The following PITPNA variants were observed in gnomAD, a reference collection of about 807,000 sequenced individuals.
PITPNA encodes the protein phosphatidylinositol transfer protein alpha isoform.
PITPNA carries 13 observed loss-of-function variants against 50.3 expected under a neutral mutation model. The observed-to-expected ratio is 0.26, with a 90% CI of 0.17 to 0.41. The LOEUF is 0.41. PITPNA is among the 10% of genes least tolerant of loss of function. PITPNA has a pLI of 1.00. For missense variants in PITPNA, 207 were observed against 333.4 expected (o/e 0.62, Z 2.95); for synonymous variants, 120 against 119.6 (o/e 1.00, Z -0.02).
In PITPNA at chr17:1,562,583, G is replaced by A. The variant is rs1380571930; in HGVS notation, c.-23C>T. 7 of 1,285,732 alleles carry A rather than the reference G, an allele frequency of 5.4e-6. No homozygotes were observed. Among genetic ancestry groups the A allele is most frequent in the African/African-American group, 1.5e-5 (1 of 64,750 alleles). 79.6% of individuals were successfully genotyped at this position (1,285,732 alleles called of 1,614,324 possible). ...CATGTCGCTTCGCGGCTCGGTGGCT[G>A]CCCGCGGCCCGCCCGGCCTCCCGCC... On this transcript the variant is annotated 5_prime_UTR_variant, in exon 1 of 12. Coordinates refer to ENST00000313486, the MANE Select transcript of PITPNA (RefSeq NM_006224.4). The surrounding 1 kb of genome is among the most constrained non-coding windows in gnomAD (Gnocchi z 6.4).
intron 4 of PITPNA, 52 bp from the exon 5 acceptor site, chr17:1,543,079 G>A (rs2075655958): frequency 2.0e-6 from 3 of 1,465,454 alleles, no homozygotes; most frequent in South Asian, 1.2e-5. Context: ...TAATGAAGAT[G>A]AAGAAATATC....
At chr17:1,535,560 A>T (rs1475397123) in intron 7 of PITPNA, 42 bp from the exon 8 acceptor site, 1 of 1,215,810 alleles carries the variant, frequency 8.2e-7, no homozygotes, top group African/African-American at 1.5e-5. Context: ...GGAGTGGGAG[A>T]GGGAGTGAGA....
At chr17:1,548,940 C>T (rs1225335741) in intron 3 of PITPNA, among the ~76,000 whole-genome samples, 2 of 152,086 alleles carry the variant, frequency 1.3e-5, no homozygotes, top group South Asian at 2.1e-4. Context: ...CTCCCTTTGT[C>T]GCCCAGGCTG....
chr17:1,550,568 C>T (rs1025314699), intron 3 of PITPNA, among the ~76,000 whole-genome samples: 2 of 151,826 alleles, frequency 1.3e-5, no homozygotes, highest in African/African-American at 4.8e-5. Context: ...CACTCTGTGG[C>T]CCAGGCTGGA....
intron 10 of PITPNA, among the ~76,000 whole-genome samples, chr17:1,528,108 T>C (rs950182311): frequency 9.9e-5 from 15 of 152,154 alleles, no homozygotes; most frequent in African/African-American, 3.1e-4. Context: ...GGTGGATCAG[T>C]TGAATCCAAG....
In PITPNA at chr17:1,541,558, C is replaced by T; in HGVS notation, c.372+8G>A. 1 of 1,607,032 alleles carries T rather than the reference C, an allele frequency of 6.2e-7. No homozygotes were observed. Among genetic ancestry groups the T allele is most frequent in the South Asian group, 1.1e-5 (1 of 90,950 alleles). On this transcript the variant is annotated splice_region_variant and intron_variant, in intron 6 of 11. Coordinates refer to ENST00000313486, the MANE Select transcript of PITPNA (RefSeq NM_006224.4). ...TCACCCCTGGGGCTTTTGGGAACTA[C>T]TACTCACATTCTCCTGCGTGCCAAG... is the stretch of plus-strand genomic sequence containing the variant.
At chr17:1,551,420 T>C (rs936131993) in intron 3 of PITPNA, among the ~76,000 whole-genome samples, 1 of 151,700 alleles carries the variant, frequency 6.6e-6, no homozygotes, top group African/African-American at 2.4e-5. Flanking sequence ...GCCTCCTGAG[T>C]AGACAGGACT....
intron 10 of PITPNA, among the ~76,000 whole-genome samples, chr17:1,533,619 C>T (rs1028758487): frequency 6.6e-6 from 1 of 152,036 alleles, no homozygotes; most frequent in East Asian, 1.9e-4. Context: ...CACGCCAAGA[C>T]CAAAAAAAGA....
Position 1,562,695 on chromosome 17 carries a change from CTCGCCGCGG to C in PITPNA, c.-144_-136del. 1 of 522,286 alleles carries C rather than the reference CTCGCCGCGG, an allele frequency of 1.9e-6. No individual in the cohort carries two copies. The highest frequency in any genetic ancestry group is 2.5e-6 in the Non-Finnish European group (1 of 393,220). 32.4% of individuals were successfully genotyped at this position (522,286 alleles called of 1,614,324 possible). ...CGTGCTCTGCTCCGTCCCCGCCGCC[CTCGCCGCGG>C]TCGCCGCGCCGGCTCCTGCCGCCCG... On this transcript the variant is annotated 5_prime_UTR_variant, in exon 1 of 12. Transcript: ENST00000313486. This position sits in a 1 kb window ranked among gnomAD's most constrained non-coding sequence, Gnocchi z 6.4.
chr17:1,524,329 C>CCAT (rs1009039583), intron 10 of PITPNA, among the ~76,000 whole-genome samples: 1 of 149,664 alleles, frequency 6.7e-6, no homozygotes, highest in Non-Finnish European at 1.5e-5. Context: ...CAGGCGTGAG[C>CCAT]CATCGCACCT....
intron 10 of PITPNA, among the ~76,000 whole-genome samples, chr17:1,531,881 G>A (rs919717722): frequency 2.0e-5 from 3 of 151,842 alleles, no homozygotes; most frequent in African/African-American, 7.2e-5. Context: ...CACATCAAGC[G>A]TAGTCAGCAC....
chr17:1,555,395 A>T (rs911908687), intron 2 of PITPNA, among the ~76,000 whole-genome samples: 1 of 152,210 alleles, frequency 6.6e-6, no homozygotes, highest in African/African-American at 2.4e-5. Flanking sequence ...GGCGCTTTTC[A>T]CGTTAGAGTT....
chr17:1,548,131 C>T (rs1013986832), intron 4 of PITPNA, among the ~76,000 whole-genome samples, 165 bp downstream of exon 4: 2 of 152,238 alleles, frequency 1.3e-5, no homozygotes, highest in East Asian at 1.9e-4. Flanking sequence ...CGGTGCTTCT[C>T]GCCCTGCTGT....
chr17:1,562,320 CCGCCCCTCCA>C lies in PITPNA; in HGVS notation c.20+211_20+220del, dbSNP rs2075772603. 6.7e-6 allele frequency among the ~76,000 whole-genome samples: 1 copy of C among 148,370 alleles called. No homozygotes were observed. The highest frequency in any genetic ancestry group is 6.7e-5 in the Admixed American group (1 of 14,984). ...CCCCGGCTGCCCCTCCACGCCCCGG[CCGCCCCTCCA>C]CGCCCCGGCCGCCCCTCCGTGCCCC... On this transcript the variant is annotated intron_variant, in intron 1 of 11. Transcript: ENST00000313486. This position sits in a 1 kb window ranked among gnomAD's most constrained non-coding sequence, Gnocchi z 6.4.
intron 1 of PITPNA, chr17:1,559,801 TG>T: frequency 1.0e-6 from 1 of 984,622 alleles, no homozygotes; most frequent in Middle Eastern, 5.2e-4. Context: ...AAAAACAAAA[TG>T]GGCTCCAAGT....
At chr17:1,536,731 T>C (rs892378103) in intron 7 of PITPNA, among the ~76,000 whole-genome samples, 4 of 151,374 alleles carry the variant, frequency 2.6e-5, no homozygotes, top group Non-Finnish European at 5.9e-5. Context: ...GTAGCTGGCA[T>C]TACAGGCGCC....
In PITPNA at chr17:1,517,817, G is replaced by A. The variant is rs1361730681; in HGVS notation, c.*2744C>T. On this transcript the variant is annotated 3_prime_UTR_variant, in exon 12 of 12. Coordinates refer to ENST00000313486, the MANE Select transcript of PITPNA (RefSeq NM_006224.4). The stretch of plus-strand genomic sequence containing the variant: ...ATTACAATTCAGATGTGCAATGTTT[G>A]CATAAGTAAACTGACACGGGACTAT... 6.6e-6 allele frequency: 1 copy of A among 152,286 alleles called. No homozygotes were observed. Among genetic ancestry groups the A allele is most frequent in the East Asian group, 1.9e-4 (1 of 5,196 alleles). 9.4% of individuals were successfully genotyped at this position (152,286 alleles called of 1,614,324 possible). A position where few individuals can be genotyped will look rare whatever the true frequency, so the allele number is the denominator to read the frequency against.
chr17:1,548,310 G>T lies in PITPNA; in HGVS notation c.275C>A (p.Pro92His). The T allele has an allele frequency of 6.2e-7, 1 of 1,607,920 alleles. No homozygotes were observed. Among genetic ancestry groups the T allele is most frequent in the Non-Finnish European group, 8.5e-7 (1 of 1,177,212 alleles). ...NIHEKAWNAY[P>H]YCRTVITNEY... ...GCTGCACTCACCGGTTCTGCAGTAG[G>T]GGTAAGCATTCCAGGCTTTCTCGTG... The change falls in exon 4 of 12, where the codon CCC (proline) becomes CAC (histidine). Residue 92 changes from proline to histidine, a missense_variant. By Grantham distance (77) the Pro-to-His change is moderately conservative (BLOSUM62 -2). Coordinates refer to ENST00000313486, the MANE Select transcript of PITPNA (RefSeq NM_006224.4).
chr17:1,523,313 A>G (rs912548556), intron 10 of PITPNA, among the ~76,000 whole-genome samples: 1 of 152,190 alleles, frequency 6.6e-6, no homozygotes, highest in African/African-American at 2.4e-5. Flanking sequence ...TGAGCACCTA[A>G]GAGCATAGCT....
Sources: allele counts gnomAD v4.1 joint callset (sites outside exome capture counted in the v4.1 genomes callset), GRCh38; gene constraint gnomAD v4.1.1; non-coding constraint Gnocchi (gnomAD v3.1); transcripts MANE v1.5; gene names NCBI Gene and HGNC (gene_info 2026-07-23, HGNC 2026-07-21).